Variants in NPAS3 observed in about 807,000 individuals in gnomAD.
The protein encoded by NPAS3 is neuronal PAS domain-containing protein 3.
Under a neutral mutation model 73.1 loss-of-function variants are expected in NPAS3, and 14 were observed. That is an observed-to-expected ratio of 0.19 (90% CI 0.13 to 0.30). The LOEUF (loss-of-function observed/expected upper bound fraction) is 0.30, where lower values mean the gene tolerates loss of function less well. Among genes scored for constraint, NPAS3 ranks in the 10% least tolerant of loss-of-function variants. The probability of loss-of-function intolerance (pLI) is 1.00; values close to 1 mark genes in which losing one functional copy is unlikely to be tolerated. For missense variants in NPAS3, 1,096 were observed against 1,250.0 expected (o/e 0.88, Z 1.86); for synonymous variants, 620 against 541.5 (o/e 1.14, Z -2.01).
intron 7 of NPAS3, among the ~76,000 whole-genome samples, chr14:33,739,113 C>A (rs147750492): frequency 2.6e-5 from 4 of 152,158 alleles, no homozygotes; most frequent in Non-Finnish European, 5.9e-5. Context: ...GACTGGCAAA[C>A]GTAGGCAAAC....
intron 6 of NPAS3, among the ~76,000 whole-genome samples, chr14:33,686,414 A>ACTT (rs1364413771): frequency 6.6e-6 from 1 of 152,216 alleles, no homozygotes; most frequent in Admixed American, 6.5e-5. Flanking sequence ...TTATTTTATT[A>ACTT]CTTATAAATA....
intron 4 of NPAS3, among the ~76,000 whole-genome samples, chr14:33,391,921 T>C (rs2047025756): frequency 1.3e-5 from 2 of 152,112 alleles, no homozygotes; most frequent in South Asian, 4.1e-4. Flanking sequence ...TGCAAATGAG[T>C]AAGAGAATGG....
At chr14:32,997,422 AATG>A (rs1566446574) in intron 1 of NPAS3, among the ~76,000 whole-genome samples, 1 of 151,990 alleles carries the variant, frequency 6.6e-6, no homozygotes, top group Non-Finnish European at 1.5e-5. Flanking sequence ...ACCGGGGTGA[AATG>A]ATATGGTTTC....
At chr14:32,969,717 C>T (rs879881004) in intron 1 of NPAS3, among the ~76,000 whole-genome samples, 20 of 152,100 alleles carry the variant, frequency 1.3e-4, no homozygotes, top group Admixed American at 2.0e-4. Context: ...ATAAGACTAA[C>T]GTCAGCCTTG....
At chr14:33,777,215 A>G (rs1397518549) in intron 8 of NPAS3, among the ~76,000 whole-genome samples, 1 of 152,168 alleles carries the variant, frequency 6.6e-6, no homozygotes, top group Admixed American at 6.5e-5. Context: ...AGGGGGTTTA[A>G]CTGTGCTTGG....
chr14:33,019,912 C>G (rs896019386), intron 1 of NPAS3, among the ~76,000 whole-genome samples: 3 of 152,108 alleles, frequency 2.0e-5, no homozygotes, highest in African/African-American at 7.2e-5. Flanking sequence ...TTGATTTTGC[C>G]ATATAGAAAC....
intron 1 of NPAS3, among the ~76,000 whole-genome samples, chr14:33,022,664 C>CAA (rs34475386): frequency 1.1e-3 from 106 of 97,350 alleles, no homozygotes; most frequent in East Asian, 2.8e-3. Flanking sequence ...GACTCCGTCC[C>CAA]AAAAAAAAAA....
intron 4 of NPAS3, among the ~76,000 whole-genome samples, chr14:33,398,612 C>G (rs993565651): frequency 2.0e-5 from 3 of 151,964 alleles, no homozygotes; most frequent in African/African-American, 7.2e-5. Context: ...GACTTTGTCT[C>G]TAAATGTACT....
At chr14:33,319,793 A>ACACAGAGC (rs1334488361) in intron 3 of NPAS3, among the ~76,000 whole-genome samples, 1 of 152,142 alleles carries the variant, frequency 6.6e-6, no homozygotes. Context: ...GAGAAACCTC[A>ACACAGAGC]CACAGAGCAC....
chr14:33,090,402 G>A lies in NPAS3; in HGVS notation c.140+34408G>A, dbSNP rs2042184341. 1.3e-5 allele frequency among the ~76,000 whole-genome samples: 2 copies of A among 152,110 alleles called. 1 individual carries two copies. The highest frequency in any genetic ancestry group is 4.1e-4 in the South Asian group (2 of 4,824). ...AACAAAGATCAAAAGAGACAAAGAA[G>A]GCCATTACATAATGGTAAAGGGATC... On this transcript the variant is annotated intron_variant, in intron 2 of 11. Transcript: ENST00000356141.
rs542860207 is a variant in NPAS3 at position 33,676,013 on chromosome 14, A to C, written c.559-198A>C. 9.2e-5 allele frequency among the ~76,000 whole-genome samples: 14 copies of C among 152,110 alleles called. No individual in the cohort carries two copies. The East Asian group carries it at 9.7e-4, about 10-fold the overall frequency. ...AAAAAAACTGAGCTTAACAATTGCT[A>C]AATAAATACATGTGAAAAAATCTTT... On this transcript the variant is annotated intron_variant, in intron 5 of 11. Transcript: ENST00000356141.
intron 3 of NPAS3, among the ~76,000 whole-genome samples, chr14:33,299,570 C>T (rs2042442485): frequency 1.4e-5 from 2 of 145,042 alleles, no homozygotes; most frequent in African/African-American, 5.2e-5. Flanking sequence ...GCATAAAACC[C>T]TATCTGAAAT....
chr14:33,681,215 TGTATAAAAAAACGGCTTGGATATG>T (rs2140359581), intron 6 of NPAS3, among the ~76,000 whole-genome samples: 1 of 152,172 alleles, frequency 6.6e-6, no homozygotes, highest in East Asian at 1.9e-4. Flanking sequence ...ATCAATATTT[TGTATAAAAAAACGGCTTGGATATG>T]ACATATACTT....
chr14:33,707,393 C>A (rs1483420176), intron 6 of NPAS3, among the ~76,000 whole-genome samples: 1 of 151,658 alleles, frequency 6.6e-6, no homozygotes, highest in Non-Finnish European at 1.5e-5. Flanking sequence ...TGAGTGCCAA[C>A]AGTGTACTCA....
intron 7 of NPAS3, among the ~76,000 whole-genome samples, chr14:33,738,173 A>G (rs985751774): frequency 2.6e-5 from 4 of 152,134 alleles, no homozygotes; most frequent in Non-Finnish European, 5.9e-5. Flanking sequence ...GTTATATTCT[A>G]TTATTATGCC....
intron 3 of NPAS3, among the ~76,000 whole-genome samples, chr14:33,273,421 T>C (rs1162297270): frequency 6.6e-6 from 1 of 152,222 alleles, no homozygotes; most frequent in Non-Finnish European, 1.5e-5. Context: ...CTCTGCTCTT[T>C]ATAGGCTCTA....
At chr14:33,180,227 A>T (rs957087437) in intron 2 of NPAS3, among the ~76,000 whole-genome samples, 1 of 151,764 alleles carries the variant, frequency 6.6e-6, no homozygotes, top group African/African-American at 2.4e-5. Flanking sequence ...AAAGCCTTAA[A>T]TTTTTTTGTT....
intron 5 of NPAS3, among the ~76,000 whole-genome samples, chr14:33,594,885 G>GTT (rs2057188920): frequency 6.6e-6 from 1 of 152,106 alleles, no homozygotes; most frequent in South Asian, 2.1e-4. Context: ...TGTAGCTGGT[G>GTT]TTTCAGGGTG....
intron 4 of NPAS3, among the ~76,000 whole-genome samples, chr14:33,378,462 C>A (rs2046397519): frequency 6.6e-6 from 1 of 152,050 alleles, no homozygotes; most frequent in African/African-American, 2.4e-5. Context: ...ATGGCGAAAC[C>A]CTATCTCTGC....
Sources: gnomAD v4.1 joint callset for allele counts (sites outside exome capture counted in the v4.1 genomes callset) on GRCh38, gnomAD v4.1.1 for gene constraint, MANE v1.5 for transcripts, NCBI Gene and HGNC (gene_info 2026-07-23, HGNC 2026-07-21) for gene names.